Variants in TFB1M observed in about 807,000 individuals in gnomAD.
TFB1M encodes the protein dimethyladenosine transferase 1, mitochondrial.
A neutral mutation model predicts 31.1 loss-of-function variants in TFB1M; 27 were observed. The observed-to-expected ratio is 0.87, with a 90% CI of 0.64 to 1.20. The LOEUF (loss-of-function observed/expected upper bound fraction) is 1.20, where lower values mean the gene tolerates loss of function less well. Among genes scored for constraint, TFB1M ranks in the 50% most tolerant of loss-of-function variants. TFB1M has a pLI of 0.00. For missense variants in TFB1M, 394 were observed against 418.7 expected (o/e 0.94, Z 0.51); for synonymous variants, 166 against 151.8 (o/e 1.09, Z -0.69).
intron 5 of TFB1M, among the ~76,000 whole-genome samples, chr6:155,280,956 T>C (rs1053874133): frequency 1.1e-4 from 16 of 152,246 alleles, no homozygotes; most frequent in African/African-American, 3.9e-4. Flanking sequence ...TACAATTTAA[T>C]GGACACTATT....
intron 4 of TFB1M, among the ~76,000 whole-genome samples, chr6:155,293,137 CA>C (rs1303387922): frequency 6.9e-6 from 1 of 145,962 alleles, no homozygotes; most frequent in African/African-American, 2.5e-5. Context: ...CACGCCTGGC[CA>C]AAACATCTAC....
At chr6:155,285,016 G>A in intron 5 of TFB1M, 142 bp downstream of exon 5, 3 of 1,041,356 alleles carry the variant, frequency 2.9e-6, no homozygotes, top group Non-Finnish European at 4.3e-6. Context: ...TACGATTTTT[G>A]TGGTTCTTAT....
the TFB1M span, chr6:155,249,912 G>C: frequency 6.2e-7 from 1 of 1,614,122 alleles, no homozygotes; most frequent in South Asian, 1.1e-5. Flanking sequence ...AGATCTATGA[G>C]GATTATGGGA....
Position 155,257,245 on chromosome 6 carries a change from T to C in TFB1M, c.*591A>G. On this transcript the variant is annotated 3_prime_UTR_variant, in exon 7 of 7. Transcript: ENST00000367166. Reference sequence around the variant, plus strand: ...TCCTGGGTTTTGTGCAGTATACATTTTCCCACAAAATGGTTGTAAAGATTT... The same window carrying C: ...TCCTGGGTTTTGTGCAGTATACATTCTCCCACAAAATGGTTGTAAAGATTT... 4 of 1,081,952 alleles carry C rather than the reference T, an allele frequency of 3.7e-6. No individual in the cohort carries two copies. Among genetic ancestry groups the C allele is most frequent in the Non-Finnish European group, 5.2e-6 (4 of 769,784 alleles). 67.0% of individuals were successfully genotyped at this position (1,081,952 alleles called of 1,614,324 possible).
intron 5 of TFB1M, among the ~76,000 whole-genome samples, chr6:155,274,418 A>G (rs73008652): frequency 0.079 from 11,980 of 152,326 alleles, 581 homozygotes; most frequent in Non-Finnish European, 0.099. Flanking sequence ...TCTTAAAAAT[A>G]AACAAAGAAA....
the TFB1M span, among the ~76,000 whole-genome samples, chr6:155,239,269 G>A: frequency 1.3e-5 from 2 of 152,200 alleles, no homozygotes; most frequent in African/African-American, 2.4e-5. Context: ...GGCTGTTAAT[G>A]GATGCCAGTC....
At chr6:155,258,881 G>A (rs148193577) in intron 6 of TFB1M, among the ~76,000 whole-genome samples, 10 of 135,756 alleles carry the variant, frequency 7.4e-5, no homozygotes, top group African/African-American at 2.5e-4. Context: ...TTTGAGTTCA[G>A]TTTCATGGCA....
At chr6:155,275,491 T>A in intron 5 of TFB1M, 1 of 496,386 alleles carries the variant, frequency 2.0e-6, no homozygotes, top group East Asian at 3.5e-5. Context: ...GCCTACAGCA[T>A]CCTCATCTGC....
At chr6:155,243,846 C>CAAAAAAAAA in the TFB1M span, among the ~76,000 whole-genome samples, 15 of 55,052 alleles carry the variant, frequency 2.7e-4, no homozygotes, top group African/African-American at 1.1e-3. Flanking sequence ...GACTCCGTCT[C>CAAAAAAAAA]AAAAAAAAAA....
intron 5 of TFB1M, chr6:155,260,706 G>C: frequency 2.4e-6 from 1 of 417,364 alleles, no homozygotes; most frequent in South Asian, 2.1e-5. Flanking sequence ...AATCATTAAA[G>C]TCAGTCAGCA....
At chr6:155,233,687 G>A in the TFB1M span, among the ~76,000 whole-genome samples, 1 of 152,132 alleles carries the variant, frequency 6.6e-6, no homozygotes, top group Admixed American at 6.5e-5. Flanking sequence ...CTGAACTAAA[G>A]GCCCGGCATG....
chr6:155,233,243 C>T, the TFB1M span, among the ~76,000 whole-genome samples: 1 of 152,180 alleles, frequency 6.6e-6, no homozygotes, highest in Non-Finnish European at 1.5e-5. Context: ...AGGCCTCAGG[C>T]TGTGATGTCT....
downstream of TFB1M, chr6:155,253,752 G>A (rs749350883): frequency 2.0e-6 from 1 of 489,386 alleles, no homozygotes; most frequent in South Asian, 3.2e-5. Flanking sequence ...AGGCAGTTCA[G>A]ATGGAGGAAA....
chr6:155,305,237 A>G lies in TFB1M; in HGVS notation c.285+5951T>C, dbSNP rs1777637457. Among the ~76,000 whole-genome samples, 2 of 30,386 alleles carry G rather than the reference A, an allele frequency of 6.6e-5. 1 individual carries two copies. Among genetic ancestry groups the G allele is most frequent in the South Asian group, 4.1e-3 (2 of 488 alleles). The allele number at this position is 30,386 out of a possible 152,430, so 19.9% of individuals were successfully genotyped here. A position where few individuals can be genotyped will look rare whatever the true frequency, so the allele number is the denominator to read the frequency against. ...TTATATATTTATATATATATATTAAATTATATATTTATATATATATTAAAT... is the reference window on the plus strand; with the variant it reads ...TTATATATTTATATATATATATTAAGTTATATATTTATATATATATTAAAT... On this transcript the variant is annotated intron_variant, in intron 2 of 6. Coordinates refer to ENST00000367166, the MANE Select transcript of TFB1M (RefSeq NM_016020.4).
At chr6:155,240,419 C>T in the TFB1M span, 2 of 1,166,512 alleles carry the variant, frequency 1.7e-6, no homozygotes, top group East Asian at 2.4e-5. Flanking sequence ...ACACAGAGGC[C>T]CCTCTGAGAT....
At chr6:155,254,317 C>T (rs1783864392), downstream of TFB1M, 2 of 1,482,462 alleles carry the variant, frequency 1.3e-6, no homozygotes, top group Middle Eastern at 1.9e-4. Context: ...GGCTGGCAGC[C>T]TGGTCCAGCA....
the TFB1M span, chr6:155,240,817 A>AGG: frequency 8.7e-7 from 1 of 1,146,422 alleles, no homozygotes; most frequent in African/African-American, 1.5e-5. Flanking sequence ...GCCACTCCCC[A>AGG]GGGGGGGACA....
At chr6:155,311,038 A>G in intron 2 of TFB1M, 150 bp downstream of exon 2, 1 of 832,326 alleles carries the variant, frequency 1.2e-6, no homozygotes, top group Non-Finnish European at 1.9e-6. Flanking sequence ...TCTCCAGACT[A>G]TGGAATCAAA....
the TFB1M span, among the ~76,000 whole-genome samples, chr6:155,229,898 A>G: frequency 0.16 from 23,573 of 151,958 alleles, 3,165 homozygotes; most frequent in African/African-American, 0.35. Context: ...CCCTTTATAA[A>G]ACCATCAGAT....
Sources: allele counts gnomAD v4.1 joint callset (sites outside exome capture counted in the v4.1 genomes callset), GRCh38; gene constraint gnomAD v4.1.1; transcripts MANE v1.5; gene names NCBI Gene and HGNC (gene_info 2026-07-23, HGNC 2026-07-21).